The following CDC40 variants were observed in gnomAD, a reference collection of about 807,000 sequenced individuals.
CDC40 encodes pre-mRNA-processing factor 17.
Under a neutral mutation model 80.6 loss-of-function variants are expected in CDC40, and 27 were observed. That is an observed-to-expected ratio of 0.33 (90% CI 0.25 to 0.46). CDC40 has a LOEUF of 0.46. Among genes scored for constraint, CDC40 ranks in the 20% least tolerant of loss-of-function variants. The probability of loss-of-function intolerance (pLI) is 1.00; values close to 1 mark genes in which losing one functional copy is unlikely to be tolerated. For missense variants in CDC40, 486 were observed against 694.1 expected, an observed-to-expected ratio of 0.70 and a Z score of 3.37; for synonymous variants, 221 against 232.6, an observed-to-expected ratio of 0.95 and a Z score of 0.45.
At chr6:110,185,415 T>C (rs1303510068) in intron 1 of CDC40, among the ~76,000 whole-genome samples, 7 of 151,628 alleles carry the variant, frequency 4.6e-5, no homozygotes, top group Non-Finnish European at 1.0e-4. Flanking sequence ...GCTAATTTTT[T>C]GTATTTTTAG....
rs1363903397 is a variant in CDC40, at chr6:110,217,566, G to A, written c.989-136G>A. The A allele has an allele frequency of 8.1e-6, 5 of 614,666 alleles. No homozygotes were observed. The Admixed American group carries it at 8.4e-5, about 10-fold the overall frequency. The allele number at this position is 614,666 out of a possible 1,614,324, so 38.1% of individuals were successfully genotyped here. ...CATATTCTAAGTCAGTAAATCAGGC[G>A]GTGGCATTCCAGTGATCTTGACTCA... On this transcript the variant is annotated intron_variant, in intron 9 of 14. Transcript: ENST00000307731.
At chr6:110,187,004 G>A (rs761642422) in intron 1 of CDC40, among the ~76,000 whole-genome samples, 3 of 151,802 alleles carry the variant, frequency 2.0e-5, no homozygotes, top group Non-Finnish European at 2.9e-5. Context: ...TCTTTGAGAC[G>A]GAGTCTCGCT....
intron 12 of CDC40, among the ~76,000 whole-genome samples, chr6:110,220,962 A>G (rs1777768613): frequency 6.6e-6 from 1 of 152,206 alleles, no homozygotes; most frequent in Non-Finnish European, 1.5e-5. Flanking sequence ...GGGATGGGAC[A>G]CAGAACCAAA....
At chr6:110,198,797 G>A (rs1022394973) in intron 2 of CDC40, among the ~76,000 whole-genome samples, 3 of 152,046 alleles carry the variant, frequency 2.0e-5, no homozygotes, top group Non-Finnish European at 2.9e-5. Context: ...TATAAATCAC[G>A]TGAACACAAA....
intron 7 of CDC40, 118 bp from the exon 8 acceptor site, chr6:110,212,968 T>A: frequency 2.7e-6 from 2 of 751,392 alleles, no homozygotes; most frequent in Non-Finnish European, 4.8e-6. Flanking sequence ...GGGTGAGATT[T>A]TTGGAATGAA....
At chr6:110,194,323 T>C (rs1411210216) in intron 2 of CDC40, among the ~76,000 whole-genome samples, 2 of 152,240 alleles carry the variant, frequency 1.3e-5, no homozygotes, top group African/African-American at 2.4e-5. Flanking sequence ...CTATATCTTA[T>C]GGTATCTTGG....
chr6:110,225,379 A>G (rs756239983), intron 12 of CDC40, among the ~76,000 whole-genome samples: 2 of 152,112 alleles, frequency 1.3e-5, no homozygotes, highest in Middle Eastern at 3.2e-3. Flanking sequence ...AGGCACTTAG[A>G]ACTTTTGATG....
At chr6:110,225,158 G>C (rs1306715326) in intron 12 of CDC40, among the ~76,000 whole-genome samples, 3 of 152,142 alleles carry the variant, frequency 2.0e-5, no homozygotes, top group Non-Finnish European at 4.4e-5. Flanking sequence ...TGGATAAATA[G>C]AGAAAATCCT....
intron 3 of CDC40, among the ~76,000 whole-genome samples, chr6:110,205,248 G>A (rs1316637911): frequency 2.0e-4 from 30 of 152,100 alleles, no homozygotes; most frequent in Admixed American, 2.0e-3. Context: ...AGGGAAGAAA[G>A]TAGACATTAA....
At chr6:110,217,606 TGCTTAGTGC>T in intron 9 of CDC40, 87 bp from the exon 10 acceptor site, 1 of 699,934 alleles carries the variant, frequency 1.4e-6, no homozygotes, top group South Asian at 1.5e-5. Context: ...TGAGAACCAC[TGCTTAGTGC>T]TGTTTGTCTT....
rs1216047695 is a variant in CDC40 at position 110,231,121 on chromosome 6, T to C, written c.*990T>C. On this transcript the variant is annotated 3_prime_UTR_variant, in exon 15 of 15. Transcript: ENST00000307731. The stretch of plus-strand genomic sequence containing the variant: ...AAACCTCTATGTCTGAAAAAAAAAA[T>C]GACACTCCTGGAAGATGGCTAGGGT... 1 of 151,496 alleles carries C rather than the reference T, an allele frequency of 6.6e-6. No individual in the cohort carries two copies. The highest frequency in any genetic ancestry group is 1.5e-5 in the Non-Finnish European group (1 of 67,872). The allele number at this position is 151,496 out of a possible 1,614,324, so 9.4% of individuals were successfully genotyped here.
At chr6:110,184,204 G>T (rs1327714584) in intron 1 of CDC40, among the ~76,000 whole-genome samples, 4 of 152,106 alleles carry the variant, frequency 2.6e-5, no homozygotes, top group Non-Finnish European at 5.9e-5. Context: ...AGGTGATAGG[G>T]CAGTTCCCTT....
intron 2 of CDC40, among the ~76,000 whole-genome samples, chr6:110,198,483 G>T (rs780220128): frequency 2.0e-5 from 3 of 151,950 alleles, no homozygotes; most frequent in Non-Finnish European, 1.5e-5. Flanking sequence ...GGCCCCTGTT[G>T]GCTATTTATA....
intron 9 of CDC40, among the ~76,000 whole-genome samples, chr6:110,216,421 G>A (rs1191425918): frequency 6.6e-6 from 1 of 152,166 alleles, no homozygotes; most frequent in South Asian, 2.1e-4. Flanking sequence ...AGATGTCACC[G>A]CAGCCTAAAG....
chr6:110,213,128 T>C lies in CDC40; in HGVS notation c.910T>C (p.Leu304=), dbSNP rs368579381. The change falls in exon 8 of 15, where the codon TTG becomes CTG. Residue 304 remains leucine (L), a synonymous_variant. Coordinates refer to ENST00000307731, the MANE Select transcript of CDC40 (RefSeq NM_015891.3). The stretch of plus-strand genomic sequence containing the variant: ...ATTGTTTCCTCTCTCTGGCCATTTA[T>C]TGCTGTCTTGTTCCATGGACTGTAA... ...VRLFPLSGHL[L]LSCSMDCKIK... 3.4e-5 allele frequency: 54 copies of C among 1,611,878 alleles called. No homozygotes were observed. The highest frequency in any genetic ancestry group is 4.4e-5 in the Non-Finnish European group (52 of 1,178,018).
At chr6:110,208,758 G>A (rs1395639656) in intron 4 of CDC40, among the ~76,000 whole-genome samples, 2 of 152,126 alleles carry the variant, frequency 1.3e-5, no homozygotes, top group Non-Finnish European at 2.9e-5. Context: ...CACTGACACA[G>A]CTTTTTGATT....
At chr6:110,228,408 C>T (rs896574276) in intron 13 of CDC40, among the ~76,000 whole-genome samples, 1 of 151,966 alleles carries the variant, frequency 6.6e-6, no homozygotes, top group Non-Finnish European at 1.5e-5. Flanking sequence ...TTTAATAACC[C>T]TAGGCTTTCT....
At chr6:110,187,631 A>G (rs1232747395) in intron 1 of CDC40, among the ~76,000 whole-genome samples, 1 of 152,190 alleles carries the variant, frequency 6.6e-6, no homozygotes, top group African/African-American at 2.4e-5. Flanking sequence ...TAAATTGATA[A>G]GTAACTTATA....
chr6:110,183,432 C>T (rs1269958524), intron 1 of CDC40, among the ~76,000 whole-genome samples: 3 of 152,166 alleles, frequency 2.0e-5, no homozygotes, highest in Admixed American at 6.5e-5. Flanking sequence ...GTCTAGAGCT[C>T]ACTTAGTGCA....
Sources: gnomAD v4.1 joint callset for allele counts (sites outside exome capture counted in the v4.1 genomes callset) on GRCh38, gnomAD v4.1.1 for gene constraint, MANE v1.5 for transcripts, NCBI Gene and HGNC (gene_info 2026-07-23, HGNC 2026-07-21) for gene names.